DHX34: variants seen among roughly 807,000 people sequenced by gnomAD.
The protein encoded by DHX34 is DExH-box helicase 34.
In DHX34, 96 loss-of-function variants were observed where a neutral mutation model predicts 111.1. That is an observed-to-expected ratio of 0.86 (90% CI 0.73 to 1.02). DHX34 has a LOEUF of 1.02. Among genes scored for constraint, DHX34 ranks in the 50% least tolerant of loss-of-function variants. The probability of loss-of-function intolerance (pLI) is 0.00; values close to 1 mark genes in which losing one functional copy is unlikely to be tolerated. For synonymous variants in DHX34, 688 were observed against 670.4 expected, an observed-to-expected ratio of 1.03 and a Z score of -0.41; for missense variants, 1,560 against 1,579.9, an observed-to-expected ratio of 0.99 and a Z score of 0.21.
In DHX34 at chr19:47,353,404, T is replaced by TGCCCGCG; in HGVS notation, c.376_382dup (p.Glu128AlafsTer7). 1 of 1,614,188 alleles carries TGCCCGCG rather than the reference T, an allele frequency of 6.2e-7. No homozygotes were observed. The highest frequency in any genetic ancestry group is 8.5e-7 in the Non-Finnish European group (1 of 1,180,030). ...GGCTCTCAGGGACTGGGCAGGCACT[T>TGCCCGCG]GCCCGCGGAGAGAGTGGCTGAGTTC... On this transcript the variant is annotated frameshift_variant, in exon 2 of 17. Coordinates refer to ENST00000328771, the MANE Select transcript of DHX34 (RefSeq NM_014681.6). LOFTEE classifies it high-confidence loss of function. This position sits in a 1 kb window ranked among gnomAD's most constrained non-coding sequence, Gnocchi z 4.6.
chr19:47,350,237 A>C (rs991889137), intron 1 of DHX34, among the ~76,000 whole-genome samples: 1 of 151,832 alleles, frequency 6.6e-6, no homozygotes, highest in Admixed American at 6.6e-5. Context: ...GAGGAAAAAA[A>C]GATTCAAACA....
intron 4 of DHX34, among the ~76,000 whole-genome samples, chr19:47,359,502 G>A (rs1466562887): frequency 1.3e-5 from 2 of 151,512 alleles, no homozygotes; most frequent in South Asian, 2.1e-4. Flanking sequence ...GGTCGGGGGA[G>A]CAGGTGTGGT....
Position 47,382,239 on chromosome 19 carries a change from G to A in DHX34, c.*126G>A, listed in dbSNP as rs532351488. The A allele has an allele frequency of 8.9e-6, 13 of 1,453,770 alleles. 1 individual carries two copies. The highest frequency in any genetic ancestry group is 7.1e-5 in the African/African-American group (5 of 70,274). 90.1% of individuals were successfully genotyped at this position (1,453,770 alleles called of 1,614,324 possible). A position where few individuals can be genotyped will look rare whatever the true frequency, so the allele number is the denominator to read the frequency against. ...CTGTGGTCCTGTCCCAGTGCAGAGG[G>A]CCTGGAGCACGGATTGTGAATAAAG... On this transcript the variant is annotated 3_prime_UTR_variant, in exon 17 of 17. Transcript: ENST00000328771.
chr19:47,379,506 C>T (rs1417116617), intron 13 of DHX34: 1 of 874,942 alleles, frequency 1.1e-6, no homozygotes, highest in African/African-American at 1.8e-5. Context: ...CCCCAGCCCC[C>T]TTCCCTGACT....
intron 5 of DHX34, among the ~76,000 whole-genome samples, chr19:47,361,162 T>TGGCA (rs1215104229): frequency 2.6e-5 from 4 of 151,880 alleles, no homozygotes; most frequent in Non-Finnish European, 5.9e-5. Context: ...AAAATGACAA[T>TGGCA]GGCAGGCCGT....
intron 1 of DHX34, among the ~76,000 whole-genome samples, chr19:47,351,602 C>G (rs973361749): frequency 6.6e-6 from 1 of 152,168 alleles, no homozygotes; most frequent in Non-Finnish European, 1.5e-5. Flanking sequence ...AGGAAAGACT[C>G]TGTCATGTTC....
Position 47,366,910 on chromosome 19 carries a change from C to T in DHX34, c.1594-71C>T. The T allele has an allele frequency of 4.2e-6, 6 of 1,424,580 alleles. No individual in the cohort carries two copies. In the South Asian group the frequency reaches 6.4e-5, roughly 15 times the overall value. The allele number at this position is 1,424,580 out of a possible 1,614,324, so 88.2% of individuals were successfully genotyped here. A position where few individuals can be genotyped will look rare whatever the true frequency, so the allele number is the denominator to read the frequency against. The stretch of plus-strand genomic sequence containing the variant: ...TTTTAAAACGTCATGAATTTGTGAT[C>T]TCTGAGCCCCGCTGTGCTGCACAGT... On this transcript the variant is annotated intron_variant, in intron 6 of 16. Coordinates refer to ENST00000328771, the MANE Select transcript of DHX34 (RefSeq NM_014681.6).
intron 6 of DHX34, among the ~76,000 whole-genome samples, chr19:47,364,205 T>G (rs1467179394): frequency 6.6e-6 from 1 of 151,968 alleles, no homozygotes; most frequent in Admixed American, 6.6e-5. Context: ...AGCCTGCAAA[T>G]GGTGCACTTG....
intron 7 of DHX34, among the ~76,000 whole-genome samples, chr19:47,370,606 G>A (rs1268640147): frequency 6.6e-6 from 1 of 152,220 alleles, no homozygotes; most frequent in East Asian, 1.9e-4. Flanking sequence ...GCTTCAGTGT[G>A]GGCAGGAGGC....
chr19:47,376,989 C>G (rs565368631), intron 12 of DHX34, 111 bp from the exon 13 acceptor site: 12 of 1,570,404 alleles, frequency 7.6e-6, no homozygotes, highest in Non-Finnish European at 9.5e-6. Context: ...AAAGCCATGC[C>G]GTAAGCATAC....
intron 12 of DHX34, 93 bp downstream of exon 12, chr19:47,376,653 A>C (rs1970172585): frequency 6.7e-7 from 1 of 1,497,974 alleles, no homozygotes; most frequent in African/African-American, 1.4e-5. Context: ...GGGCTCCCAC[A>C]CCGGCCCAGG....
In DHX34 at chr19:47,382,030, A is replaced by G; in HGVS notation, c.3349A>G (p.Arg1117Gly). Residue 1117 changes from arginine (R) to glycine (G), a missense_variant, in exon 17 of 17, where the codon AGG (arginine) becomes GGG (glycine). Transcript: ENST00000328771. The stretch of plus-strand genomic sequence containing the variant: ...CCTCCAGAAGACATCTGTCCTGCAG[A>G]GGCCCTACCACTGCGAGGCCTGCGG... ...ETLQKTSVLQ[R>G]PYHCEACGKD... 1 of 1,614,060 alleles carries G rather than the reference A, an allele frequency of 6.2e-7. No homozygotes were observed. Among genetic ancestry groups the G allele is most frequent in the Non-Finnish European group, 8.5e-7 (1 of 1,179,990 alleles).
intron 14 of DHX34, among the ~76,000 whole-genome samples, chr19:47,380,519 G>A (rs1273857657): frequency 6.6e-6 from 1 of 151,840 alleles, no homozygotes; most frequent in Non-Finnish European, 1.5e-5. Flanking sequence ...ATGCTAGGAG[G>A]AGGAGGGGGG....
chr19:47,356,377 A>G (rs1969458404), intron 3 of DHX34, among the ~76,000 whole-genome samples: 1 of 152,132 alleles, frequency 6.6e-6, no homozygotes, highest in Non-Finnish European at 1.5e-5. Context: ...GGTGCCTGTA[A>G]TCCCAGCACT....
rs1449237676 is a variant in DHX34 at position 47,380,888 on chromosome 19, G to GC, written c.3057dup (p.Thr1020HisfsTer26). 6.2e-7 allele frequency: 1 copy of GC among 1,613,594 alleles called. No homozygotes were observed. The highest frequency in any genetic ancestry group is 8.5e-7 in the Non-Finnish European group (1 of 1,179,854). ...GTATGTGGGACCCCAGACCATCCCA[G>GC]CCACCCCCCATCTTCCTGGCCTCTT... On this transcript the variant is annotated frameshift_variant, in exon 15 of 17. Transcript: ENST00000328771. LOFTEE classifies it high-confidence loss of function.
chr19:47,380,765 C>T (rs368810401), intron 14 of DHX34, 51 bp from the exon 15 acceptor site: 88 of 1,606,138 alleles, frequency 5.5e-5, no homozygotes, highest in Non-Finnish European at 6.0e-5. Context: ...GGTGCTTTGG[C>T]GGCATCTCCC....
rs749826686 is a variant in DHX34 at position 47,375,688 on chromosome 19, A to G, written c.2287A>G (p.Ser763Gly). ...GGCTGGCCCAGCCCCCCCAGGGGCCAGTGATGGCGTGGACATCCAGGTGGG... is the reference window on the plus strand; with the variant it reads ...GGCTGGCCCAGCCCCCCCAGGGGCCGGTGATGGCGTGGACATCCAGGTGGG... ...DRAGPAPPGA[S>G]DGVDIQDVKF... Residue 763 changes from serine (S) to glycine (G), a missense_variant, in exon 10 of 17, where the codon AGT (serine) becomes GGT (glycine). Transcript: ENST00000328771. 1.9e-6 allele frequency: 3 copies of G among 1,558,566 alleles called. No homozygotes were observed. Among genetic ancestry groups the G allele is most frequent in the East Asian group, 4.7e-5 (2 of 42,470 alleles).
At position 47,353,867 on chromosome 19, in the gene DHX34, A is replaced by G. The variant is rs1032321104; in HGVS notation, c.705+132A>G. The G allele has an allele frequency of 1.1e-6, 1 of 901,140 alleles. No homozygotes were observed. Among genetic ancestry groups the G allele is most frequent in the Non-Finnish European group, 1.6e-6 (1 of 616,806 alleles). 55.8% of individuals were successfully genotyped at this position (901,140 alleles called of 1,614,324 possible). A position where few individuals can be genotyped will look rare whatever the true frequency, so the allele number is the denominator to read the frequency against. On this transcript the variant is annotated intron_variant, in intron 2 of 16. Coordinates refer to ENST00000328771, the MANE Select transcript of DHX34 (RefSeq NM_014681.6). The surrounding 1 kb of genome is among the most constrained non-coding windows in gnomAD (Gnocchi z 4.6). Reference sequence around the variant, plus strand: ...CCAGCGATGATTCTTCTAGAACTTTATCCACAGAGTGGCTTGTCTGTGGTC... The same window carrying G: ...CCAGCGATGATTCTTCTAGAACTTTGTCCACAGAGTGGCTTGTCTGTGGTC...
chr19:47,352,781 A>G lies in DHX34; in HGVS notation c.-250A>G. ...TCCAGGGCCTGAAAACCCAGAATGA[A>G]CTTGTGTCCATCCCAGAGATCACTG... is the stretch of plus-strand genomic sequence containing the variant. On this transcript the variant is annotated 5_prime_UTR_variant, in exon 2 of 17. Coordinates refer to ENST00000328771, the MANE Select transcript of DHX34 (RefSeq NM_014681.6). The G allele has an allele frequency of 1.8e-6, 1 of 569,540 alleles. No homozygotes were observed. The highest frequency in any genetic ancestry group is 2.9e-6 in the Non-Finnish European group (1 of 347,844). The allele number at this position is 569,540 out of a possible 1,614,324, so 35.3% of individuals were successfully genotyped here.
Sources: allele counts gnomAD v4.1 joint callset (sites outside exome capture counted in the v4.1 genomes callset), GRCh38; gene constraint gnomAD v4.1.1; non-coding constraint Gnocchi (gnomAD v3.1); transcripts MANE v1.5; gene names NCBI Gene and HGNC (gene_info 2026-07-23, HGNC 2026-07-21).